KLK13: variants seen among roughly 807,000 people sequenced by gnomAD.
KLK13 encodes kallikrein-13.
A neutral mutation model predicts 22.4 loss-of-function variants in KLK13; 19 were observed. The ratio of observed to expected loss-of-function variants is 0.85; its 90% CI spans 0.59 to 1.24. The LOEUF is 1.24. Ranked by LOEUF, KLK13 falls within the 50% of genes most tolerant of loss-of-function variation. KLK13 has a pLI of 0.00. For missense variants in KLK13, 311 were observed against 347.9 expected, an observed-to-expected ratio of 0.89 and a Z score of 0.84; for synonymous variants, 156 against 141.8, an observed-to-expected ratio of 1.10 and a Z score of -0.71.
upstream of KLK13, among the ~76,000 whole-genome samples, chr19:51,065,331 C>T (rs2091772911): frequency 1.3e-5 from 2 of 152,120 alleles, no homozygotes; most frequent in South Asian, 2.1e-4. Flanking sequence ...CCCAGGAAGC[C>T]GTCCCTCCTC....
At position 51,058,621 on chromosome 19, in the gene KLK13, C is replaced by T; in HGVS notation, c.562G>A (p.Glu188Lys). ...TTTCCTGGGTAGACTTGACGACACTCCTCATCTGAGCGAAGTTGGATGTTG... is the reference window on the plus strand; with the variant it reads ...TTTCCTGGGTAGACTTGACGACACTTCTCATCTGAGCGAAGTTGGATGTTG... ...CANIQLRSDE[E>K]CRQVYPGKIT... is the part of the protein sequence containing the mutation. Residue 188 changes from glutamate to lysine, a missense_variant, in exon 4 of 5, where the codon GAG (glutamate) becomes AAG (lysine). Glu to Lys is a moderately conservative substitution (Grantham distance 56). Coordinates refer to ENST00000595793, the MANE Select transcript of KLK13 (RefSeq NM_015596.3). The T allele has an allele frequency of 6.2e-7, 1 of 1,614,138 alleles. No individual in the cohort carries two copies. Among genetic ancestry groups the T allele is most frequent in the Non-Finnish European group, 8.5e-7 (1 of 1,180,032 alleles).
Position 51,059,997 on chromosome 19 carries a change from G to T in KLK13, c.336C>A (p.Tyr112Ter), listed in dbSNP as rs1460427306. The T allele has an allele frequency of 5.0e-6, 8 of 1,613,606 alleles. No homozygotes were observed. In the Admixed American group the frequency reaches 5.0e-5, roughly 10 times the overall value. ...GGTTCAGGTGGGTGGGGCTTCTCCG[G>T]TATTCAGGGTGGGGGATAGAGTGGA... ...EVVHSIPHPE[Y>*]RRSPTHLNHD... is the part of the protein sequence containing the mutation. Residue 112 changes from tyrosine (Y) to a stop codon, truncating the protein, a stop_gained, in exon 3 of 5, where the codon TAC becomes TAA. Coordinates refer to ENST00000595793, the MANE Select transcript of KLK13 (RefSeq NM_015596.3). LOFTEE classifies it high-confidence loss of function.
At chr19:51,065,377 C>A (rs953994777), upstream of KLK13, among the ~76,000 whole-genome samples, 4 of 152,106 alleles carry the variant, frequency 2.6e-5, no homozygotes, top group African/African-American at 9.7e-5. Flanking sequence ...TCGGTGCACT[C>A]TCGCCCTTTT....
Position 51,065,043 on chromosome 19 carries a change from C to A in KLK13, c.25G>T (p.Ala9Ser). Residue 9 changes from alanine to serine, a missense_variant, in exon 1 of 5, where the codon GCC becomes TCC. Coordinates refer to ENST00000595793, the MANE Select transcript of KLK13 (RefSeq NM_015596.3). MWPLALVI[A>S]SLTLALSGGV... ...CCTGACAAGGCCAAGGTCAGGGAGG[C>A]GATCACTAGGGCCAGGGGCCACATG... is the stretch of plus-strand genomic sequence containing the variant. 6.5e-7 allele frequency: 1 copy of A among 1,538,398 alleles called. No homozygotes were observed. The highest frequency in any genetic ancestry group is 1.4e-5 in the African/African-American group (1 of 72,432).
intron 1 of KLK13, chr19:51,063,979 C>T (rs2122715452): frequency 2.7e-6 from 1 of 374,630 alleles, no homozygotes; most frequent in South Asian, 2.0e-5. Context: ...TTGTACAGCA[C>T]CCAGCACAGT....
chr19:51,063,993 C>A, intron 1 of KLK13: 1 of 365,326 alleles, frequency 2.7e-6, no homozygotes, highest in Admixed American at 3.6e-5. Context: ...GCACAGTGGC[C>A]GGTGTTTAAT....
Position 51,059,810 on chromosome 19 carries a change from T to A in KLK13, c.508+15A>T. ...CACTCCTATGGGGCCTCAGGCCACC[T>A]GTGTGGGTGCATACCCTGGGGGCTG... On this transcript the variant is annotated intron_variant, in intron 3 of 4. Coordinates refer to ENST00000595793, the MANE Select transcript of KLK13 (RefSeq NM_015596.3). 6.4e-7 allele frequency: 1 copy of A among 1,573,262 alleles called. No homozygotes were observed. The highest frequency in any genetic ancestry group is 8.6e-7 in the Non-Finnish European group (1 of 1,159,118).
chr19:51,064,577 A>T (rs1188503132), intron 1 of KLK13: 1 of 507,678 alleles, frequency 2.0e-6, no homozygotes. Context: ...CCTGCGACAT[A>T]CTGAAGGCTC....
At chr19:51,059,622 T>G (rs142451985) in intron 3 of KLK13, 6 of 293,366 alleles carry the variant, frequency 2.0e-5, no homozygotes, top group African/African-American at 1.1e-4. Flanking sequence ...TTCTATATAT[T>G]CATGAATTTA....
rs201934242 is a variant in KLK13, at chr19:51,056,576, T to C, written c.*11A>G. 3 of 1,613,902 alleles carry C rather than the reference T, an allele frequency of 1.9e-6. No individual in the cohort carries two copies. The African/African-American group carries it at 4.0e-5, about 22-fold the overall frequency. On this transcript the variant is annotated 3_prime_UTR_variant, in exon 5 of 5. Transcript: ENST00000595793. The stretch of plus-strand genomic sequence containing the variant: ...TGGTGACAGGATGGAAGCCGGTACA[T>C]TTCTCAACTTTTATTGTGGGCCCTT...
rs577276625 is a variant in KLK13, at chr19:51,055,858, G to C, written c.*729C>G. Among the ~76,000 whole-genome samples, 2 of 152,288 alleles carry C rather than the reference G, an allele frequency of 1.3e-5. No individual in the cohort carries two copies. Among genetic ancestry groups the C allele is most frequent in the Non-Finnish European group, 2.9e-5 (2 of 68,012 alleles). On this transcript the variant is annotated 3_prime_UTR_variant, in exon 5 of 5. Transcript: ENST00000595793. ...ATATTTGGTAGACAATAAAGTTCAGGCAAGAAGACCCTTTGGTATACTGAA... is the reference window on the plus strand; with the variant it reads ...ATATTTGGTAGACAATAAAGTTCAGCCAAGAAGACCCTTTGGTATACTGAA...
Position 51,056,426 on chromosome 19 carries a change from G to T in KLK13, c.*161C>A. On this transcript the variant is annotated 3_prime_UTR_variant, in exon 5 of 5. Transcript: ENST00000595793. The stretch of plus-strand genomic sequence containing the variant: ...GGAGACTGCAAGCCTGGCAGTGCCT[G>T]AATGCTTCTGAAACATGGAATGTTA... The T allele has an allele frequency of 1.3e-6, 1 of 771,544 alleles. No homozygotes were observed. Among genetic ancestry groups the T allele is most frequent in the Non-Finnish European group, 2.1e-6 (1 of 466,206 alleles). 47.8% of individuals were successfully genotyped at this position (771,544 alleles called of 1,614,324 possible).
intron 1 of KLK13, 145 bp downstream of exon 1, chr19:51,064,871 A>G: frequency 1.5e-6 from 1 of 684,832 alleles, no homozygotes; most frequent in Non-Finnish European, 2.5e-6. Context: ...ACAAGCAGGA[A>G]GAGCTCTGAG....
At position 51,055,769 on chromosome 19, in the gene KLK13, T is replaced by C. The variant is rs1461016509; in HGVS notation, c.*818A>G. Among the ~76,000 whole-genome samples, 1 of 152,228 alleles carries C rather than the reference T, an allele frequency of 6.6e-6. No individual in the cohort carries two copies. Among genetic ancestry groups the C allele is most frequent in the African/African-American group, 2.4e-5 (1 of 41,458 alleles). On this transcript the variant is annotated 3_prime_UTR_variant, in exon 5 of 5. Coordinates refer to ENST00000595793, the MANE Select transcript of KLK13 (RefSeq NM_015596.3). ...GGATTTGCACTACATTTTAGGGTCA[T>C]GCACAAAGATGTAACAGCAAGGGAC...
intron 1 of KLK13, among the ~76,000 whole-genome samples, chr19:51,062,357 C>T (rs1158378343): frequency 6.6e-6 from 1 of 152,328 alleles, no homozygotes; most frequent in East Asian, 1.9e-4. Context: ...GGTCCCGACT[C>T]CTCCCCCATT....
chr19:51,058,026 C>G (rs2091691467), intron 4 of KLK13, among the ~76,000 whole-genome samples: 1 of 152,180 alleles, frequency 6.6e-6, no homozygotes, highest in African/African-American at 2.4e-5. Flanking sequence ...GAGAGGTTCT[C>G]TTTCTAATAG....
Position 51,059,822 on chromosome 19 carries a change from T to C in KLK13, c.508+3A>G, listed in dbSNP as rs753477386. 2 of 1,597,470 alleles carry C rather than the reference T, an allele frequency of 1.3e-6. No homozygotes were observed. The highest frequency in any genetic ancestry group is 1.1e-5 in the South Asian group (1 of 88,678). On this transcript the variant is annotated splice_donor_region_variant and intron_variant, in intron 3 of 4. Transcript: ENST00000595793. ...GCCTCAGGCCACCTGTGTGGGTGCA[T>C]ACCCTGGGGGCTGGTGGTGGTGCCC...
intron 1 of KLK13, among the ~76,000 whole-genome samples, chr19:51,062,033 A>G (rs987770402): frequency 7.9e-5 from 12 of 152,292 alleles, no homozygotes; most frequent in Non-Finnish European, 1.5e-4. Context: ...TATGTTGTTT[A>G]ATATGGTAGC....
Position 51,056,650 on chromosome 19 carries a change from C to G in KLK13, c.771G>C (p.Trp257Cys), listed in dbSNP as rs1568586661. ...VYTRVSRYVL[W>C]IRETIRKYET... ...CATATTTTCGGATTGTTTCACGGATCCACAGGACGTATCTTGAGACACGGG... is the reference window on the plus strand; with the variant it reads ...CATATTTTCGGATTGTTTCACGGATGCACAGGACGTATCTTGAGACACGGG... Residue 257 changes from tryptophan to cysteine, a missense_variant, in exon 5 of 5, where the codon TGG becomes TGC. Coordinates refer to ENST00000595793, the MANE Select transcript of KLK13 (RefSeq NM_015596.3). 6.2e-7 allele frequency: 1 copy of G among 1,614,194 alleles called. No individual in the cohort carries two copies. The highest frequency in any genetic ancestry group is 8.5e-7 in the Non-Finnish European group (1 of 1,180,028).
Sources: gnomAD v4.1 joint callset for allele counts (sites outside exome capture counted in the v4.1 genomes callset) on GRCh38, gnomAD v4.1.1 for gene constraint, MANE v1.5 for transcripts, NCBI Gene and HGNC (gene_info 2026-07-23, HGNC 2026-07-21) for gene names.